The following ANKS1B variants were observed in gnomAD, a reference collection of about 807,000 sequenced individuals.
ANKS1B encodes the protein ankyrin repeat and sterile alpha motif domain containing 1B.
ANKS1B carries 36 observed loss-of-function variants against 148.3 expected under a neutral mutation model. That is an observed-to-expected ratio of 0.24 (90% CI 0.19 to 0.32). The LOEUF (loss-of-function observed/expected upper bound fraction) is 0.32. Among genes scored for constraint, ANKS1B ranks in the 10% least tolerant of loss-of-function variants. ANKS1B has a pLI of 1.00. For missense variants in ANKS1B, 1,157 were observed against 1,542.6 expected (o/e 0.75, Z 4.19); for synonymous variants, 542 against 560.8 (o/e 0.97, Z 0.47).
At chr12:98,842,615 A>G (rs1017290585) in intron 17 of ANKS1B, among the ~76,000 whole-genome samples, 6 of 152,198 alleles carry the variant, frequency 3.9e-5, no homozygotes, top group African/African-American at 1.4e-4. Flanking sequence ...AAAAAGAATA[A>G]TGCTGGGAGA....
At chr12:99,908,154 T>C (rs1237610974) in intron 1 of ANKS1B, among the ~76,000 whole-genome samples, 3 of 152,158 alleles carry the variant, frequency 2.0e-5, no homozygotes, top group African/African-American at 7.2e-5. Flanking sequence ...AATATATTTG[T>C]GAGGCAATGC....
Position 99,620,406 on chromosome 12 carries a change from G to A in ANKS1B, c.1272+34661C>T, listed in dbSNP as rs375182008. Among the ~76,000 whole-genome samples, 367 of 152,214 alleles carry A rather than the reference G, an allele frequency of 2.4e-3. 8 individuals are homozygous for A. In the South Asian group the frequency reaches 0.046, roughly 19 times the overall value. ...CCAAAATGGAAACTCAAAAGTGACA[G>A]ATAAAGAATTTAAAGCATTGATTGC... On this transcript the variant is annotated intron_variant, in intron 9 of 26. Coordinates refer to ENST00000683438, the MANE Select transcript of ANKS1B (RefSeq NM_001352186.2).
intron 25 of ANKS1B, among the ~76,000 whole-genome samples, chr12:98,772,106 T>A (rs61933570): frequency 0.098 from 14,921 of 152,226 alleles, 790 homozygotes; most frequent in Middle Eastern, 0.12. Flanking sequence ...AATGAAAATA[T>A]CGAAAAATCT....
At chr12:99,856,233 T>G (rs541993856) in intron 1 of ANKS1B, among the ~76,000 whole-genome samples, 1 of 152,124 alleles carries the variant, frequency 6.6e-6, no homozygotes, top group African/African-American at 2.4e-5. Flanking sequence ...TGGGAGATAT[T>G]ACAACTGATA....
intron 8 of ANKS1B, among the ~76,000 whole-genome samples, chr12:99,725,638 CT>C (rs1337228143): frequency 7.9e-5 from 12 of 152,120 alleles, no homozygotes; most frequent in African/African-American, 2.7e-4. Context: ...TTAAACTCAG[CT>C]CTGGATCAAG....
intron 8 of ANKS1B, among the ~76,000 whole-genome samples, chr12:99,719,258 G>A (rs2057803123): frequency 6.6e-6 from 1 of 152,134 alleles, no homozygotes; most frequent in Non-Finnish European, 1.5e-5. Context: ...CCTCACACCT[G>A]ACACATATAC....
At chr12:99,817,329 T>G (rs900724343) in intron 2 of ANKS1B, among the ~76,000 whole-genome samples, 40 of 151,722 alleles carry the variant, frequency 2.6e-4, no homozygotes, top group Non-Finnish European at 3.8e-4. Flanking sequence ...TCCATGTTGC[T>G]GCAAGTGACA....
intron 1 of ANKS1B, among the ~76,000 whole-genome samples, chr12:99,955,488 G>A (rs1365426268): frequency 4.1e-5 from 3 of 72,846 alleles, no homozygotes; most frequent in Admixed American, 2.4e-4. Context: ...GCGAAACTCC[G>A]TCTCAAAAAA....
At chr12:99,385,267 G>A (rs1045865031) in intron 12 of ANKS1B, among the ~76,000 whole-genome samples, 1 of 152,068 alleles carries the variant, frequency 6.6e-6, no homozygotes, top group Non-Finnish European at 1.5e-5. Flanking sequence ...TCAGGAGTTC[G>A]AGACCAGCCT....
At chr12:99,835,547 C>T (rs144846786) in intron 1 of ANKS1B, among the ~76,000 whole-genome samples, 312 of 152,236 alleles carry the variant, frequency 2.0e-3, no homozygotes, top group African/African-American at 7.3e-3. Context: ...CCTAGTATAT[C>T]AAAAACATTA....
intron 10 of ANKS1B, among the ~76,000 whole-genome samples, chr12:99,503,356 T>G (rs946216781): frequency 6.6e-6 from 1 of 152,224 alleles, no homozygotes; most frequent in African/African-American, 2.4e-5. Flanking sequence ...CATTTGAAAA[T>G]AAATATTTCA....
At chr12:99,662,660 T>C (rs1053993199) in intron 8 of ANKS1B, among the ~76,000 whole-genome samples, 1 of 152,196 alleles carries the variant, frequency 6.6e-6, no homozygotes, top group African/African-American at 2.4e-5. Context: ...TTCAAAATAA[T>C]GTAGAAAACA....
chr12:98,967,399 C>T (rs1247406839), intron 17 of ANKS1B, among the ~76,000 whole-genome samples: 2 of 151,958 alleles, frequency 1.3e-5, no homozygotes, highest in South Asian at 2.1e-4. Flanking sequence ...CTGTTATGAT[C>T]TAAGGCCCTC....
At chr12:99,492,807 T>C (rs1438164648) in intron 10 of ANKS1B, among the ~76,000 whole-genome samples, 1 of 152,200 alleles carries the variant, frequency 6.6e-6, no homozygotes, top group Non-Finnish European at 1.5e-5. Context: ...AACACATGAT[T>C]ATCTCAATAG....
chr12:99,431,773 C>T (rs1158268505), intron 11 of ANKS1B, among the ~76,000 whole-genome samples: 1 of 152,150 alleles, frequency 6.6e-6, no homozygotes, highest in Non-Finnish European at 1.5e-5. Flanking sequence ...GATTCTAAAT[C>T]CCTTGCTTAT....
At chr12:99,557,722 G>T (rs1034582871) in intron 9 of ANKS1B, among the ~76,000 whole-genome samples, 3 of 152,166 alleles carry the variant, frequency 2.0e-5, no homozygotes, top group Admixed American at 6.5e-5. Flanking sequence ...TGGTCATTCT[G>T]AATACAAAGA....
chr12:99,873,334 T>C (rs2091737165), intron 1 of ANKS1B, among the ~76,000 whole-genome samples: 1 of 152,168 alleles, frequency 6.6e-6, no homozygotes, highest in Non-Finnish European at 1.5e-5. Context: ...GTATATGAAG[T>C]CTTCTTTGGA....
rs564837236 is a variant in ANKS1B, at chr12:99,244,377, T to C, written c.2384A>G (p.Asn795Ser). 3 of 1,608,320 alleles carry C rather than the reference T, an allele frequency of 1.9e-6. No homozygotes were observed. The highest frequency in any genetic ancestry group is 2.2e-5 in the South Asian group (2 of 90,050). Residue 795 changes from asparagine to serine, a missense_variant, in exon 14 of 27, where the codon AAC (asparagine) becomes AGC (serine). Physicochemically the swap from Asn to Ser is conservative, Grantham distance 46. This residue lies in a region of ANKS1B where 661 missense variants were observed against 642.1 expected (regional missense o/e 1.03). Transcript: ENST00000683438. ...KIMSSIDVGI[N>S]NELKEMNGET... ...ACCATTCATCTCTTTAAGTTCGTTG[T>C]TGATTCCAACATCTATGGAACTCAT... is the stretch of plus-strand genomic sequence containing the variant.
At chr12:99,163,499 GTGTGTT>G (rs202044857) in intron 14 of ANKS1B, among the ~76,000 whole-genome samples, 8,149 of 149,374 alleles carry the variant, frequency 0.055, 391 homozygotes, top group South Asian at 0.18. Flanking sequence ...GTGTGTGTGT[GTGTGTT>G]TAGTTCTGTA....
Sources: gnomAD v4.1 joint callset for allele counts (sites outside exome capture counted in the v4.1 genomes callset) on GRCh38, gnomAD v4.1.1 for gene constraint, gnomAD v4.1.1 regional missense constraint, MANE v1.5 for transcripts, NCBI Gene and HGNC (gene_info 2026-07-23, HGNC 2026-07-21) for gene names.